Variants in NLGN4Y observed in about 807,000 individuals in gnomAD.
NLGN4Y encodes neuroligin 4 Y-linked.
In NLGN4Y, 4 loss-of-function variants were observed where a neutral mutation model predicts 8.4. The ratio of observed to expected loss-of-function variants is 0.48; its 90% CI spans 0.23 to 1.09. NLGN4Y has a LOEUF of 1.09. NLGN4Y is among the 50% of genes least tolerant of loss of function. The pLI, the probability that NLGN4Y is intolerant of heterozygous loss-of-function variation, is 0.19. For missense variants in NLGN4Y, 90 were observed against 192.3 expected, an observed-to-expected ratio of 0.47 and a Z score of 3.15; for synonymous variants, 35 against 75.6, an observed-to-expected ratio of 0.46 and a Z score of 2.78.
intron 4 of NLGN4Y, among the ~76,000 whole-genome samples, chrY:14,779,653 T>C: frequency 3.0e-5 from 1 of 33,343 alleles, no homozygotes; most frequent in African/African-American, 1.2e-4. Flanking sequence ...AAATTTATCC[T>C]ATATTGGTGA....
In NLGN4Y at chrY:14,843,912, T is replaced by C. The variant is rs2043237624; in HGVS notation, c.*2650T>C. The C allele has an allele frequency of 8.4e-6, 1 of 119,517 alleles. No homozygotes were observed. The highest frequency in any genetic ancestry group is 9.6e-5 in the African/African-American group (1 of 10,366). The allele number at this position is 119,517 out of a possible 400,897, so 29.8% of individuals were successfully genotyped here. ...ATGGCCAGACACATATGTATAAACTTTTCAGCAGCATTTTAATAATAAAAT... is the reference window on the plus strand; with the variant it reads ...ATGGCCAGACACATATGTATAAACTCTTCAGCAGCATTTTAATAATAAAAT... On this transcript the variant is annotated 3_prime_UTR_variant, in exon 7 of 7. Transcript: ENST00000684976.
chrY:14,815,557 G>A (rs2043098662), intron 4 of NLGN4Y, among the ~76,000 whole-genome samples: 1 of 33,407 alleles, frequency 3.0e-5, no homozygotes, highest in African/African-American at 1.2e-4. Context: ...TTACACTGAT[G>A]GCATTGTAGG....
At chrY:14,631,106 G>A (rs753227193) in intron 2 of NLGN4Y, among the ~76,000 whole-genome samples, 1 of 32,221 alleles carries the variant, frequency 3.1e-5, no homozygotes, top group Non-Finnish European at 7.6e-5. Context: ...TGCTCTTATT[G>A]CCCAGGTTGG....
chrY:14,532,662 A>C, intron 1 of NLGN4Y, among the ~76,000 whole-genome samples: 1 of 33,157 alleles, frequency 3.0e-5, no homozygotes, highest in Admixed American at 2.7e-4. Context: ...AATCCTGCCT[A>C]TGTGTGGATG....
At chrY:14,550,842 T>C (rs1031299945) in intron 1 of NLGN4Y, among the ~76,000 whole-genome samples, 12 of 33,466 alleles carry the variant, frequency 3.6e-4, no homozygotes, top group Non-Finnish European at 8.9e-4. Flanking sequence ...TGAATGACTA[T>C]TATGTATCTT....
intron 1 of NLGN4Y, among the ~76,000 whole-genome samples, chrY:14,577,514 A>AAAAGTGACTTACATTC (rs2080302966): frequency 2.9e-5 from 1 of 34,439 alleles, no homozygotes; most frequent in Non-Finnish European, 7.3e-5. Flanking sequence ...ACAAATAAGC[A>AAAAGTGACTTACATTC]AAAGTGACTT....
intron 1 of NLGN4Y, among the ~76,000 whole-genome samples, chrY:14,601,787 G>T: frequency 3.1e-5 from 1 of 32,729 alleles, no homozygotes; most frequent in Non-Finnish European, 7.5e-5. Flanking sequence ...AATTAGCTCG[G>T]CAGTGCCTGT....
At chrY:14,661,989 C>T (rs2150524481) in intron 2 of NLGN4Y, among the ~76,000 whole-genome samples, 1 of 33,900 alleles carries the variant, frequency 2.9e-5, no homozygotes, top group Non-Finnish European at 7.4e-5. Context: ...CATTCACTTG[C>T]GCTCAAATCT....
chrY:14,844,814 T>G lies in NLGN4Y; in HGVS notation c.*3552T>G, dbSNP rs755989205. ...TATGTACATGTATGTGTACATTATA[T>G]ATGAGTATACATGTACCTATCCTAT... is the stretch of plus-strand genomic sequence containing the variant. On this transcript the variant is annotated 3_prime_UTR_variant, in exon 7 of 7. Transcript: ENST00000684976. 1 of 34,078 alleles carries G rather than the reference T, an allele frequency of 2.9e-5. No homozygotes were observed. The highest frequency in any genetic ancestry group is 6.5e-4 in the South Asian group (1 of 1,537). 8.5% of individuals were successfully genotyped at this position (34,078 alleles called of 400,897 possible). A position where few individuals can be genotyped will look rare whatever the true frequency, so the allele number is the denominator to read the frequency against.
intron 2 of NLGN4Y, among the ~76,000 whole-genome samples, chrY:14,707,091 GTATATA>G (rs1460684278): frequency 5.1e-3 from 20 of 3,889 alleles, no homozygotes; most frequent in Admixed American, 6.6e-3. Flanking sequence ...AATTTTATGT[GTATATA>G]TATATATATA....
chrY:14,524,947 G>A, intron 1 of NLGN4Y: 1 of 120,720 alleles, frequency 8.3e-6, no homozygotes, highest in Non-Finnish European at 1.8e-5. Context: ...GTAGGTTGGG[G>A]TCCCTCGGCG....
intron 4 of NLGN4Y, chrY:14,748,663 C>A: frequency 5.5e-6 from 1 of 182,996 alleles, no homozygotes; most frequent in Non-Finnish European, 1.0e-5. Context: ...TCGTTGTCAG[C>A]TGCACCTGCA....
chrY:14,759,305 G>GT (rs2081073247), intron 4 of NLGN4Y, among the ~76,000 whole-genome samples: 18 of 31,441 alleles, frequency 5.7e-4, no homozygotes, highest in South Asian at 2.2e-3. Context: ...GTTTTGTTTT[G>GT]TTTTTTTGTT....
chrY:14,558,325 CTG>C (rs2080216483), intron 1 of NLGN4Y, among the ~76,000 whole-genome samples: 8 of 33,580 alleles, frequency 2.4e-4, no homozygotes, highest in Middle Eastern at 0.014. Context: ...GTCTTGAAGA[CTG>C]TGACTTTCAT....
chrY:14,669,691 C>T (rs982680990), intron 2 of NLGN4Y, among the ~76,000 whole-genome samples: 1 of 33,489 alleles, frequency 3.0e-5, no homozygotes, highest in East Asian at 7.9e-4. Flanking sequence ...GTTTATGCTA[C>T]GTAACACCAT....
chrY:14,803,983 T>G, intron 4 of NLGN4Y: 1 of 33,258 alleles, frequency 3.0e-5, no homozygotes, highest in African/African-American at 1.2e-4. Context: ...GTTGAATTTT[T>G]TCCATCCTGA....
chrY:14,835,169 A>C (rs546899792), intron 6 of NLGN4Y, among the ~76,000 whole-genome samples: 1 of 33,439 alleles, frequency 3.0e-5, no homozygotes, highest in Admixed American at 2.7e-4. Flanking sequence ...TCTGATTCTT[A>C]CTATGAGTTT....
rs369864038 is a variant in NLGN4Y at position 14,624,166 on chromosome Y, C to A, written c.472+1575C>A. 8.9e-5 allele frequency among the ~76,000 whole-genome samples: 3 copies of A among 33,876 alleles called. No homozygotes were observed. In the East Asian group the frequency reaches 2.4e-3, roughly 27 times the overall value. 90.9% of individuals were successfully genotyped at this position (33,876 alleles called of 37,273 possible). On this transcript the variant is annotated intron_variant, in intron 2 of 6. Coordinates refer to ENST00000684976, the MANE Select transcript of NLGN4Y (RefSeq NM_001365588.1). ...TGGAATACAAAAATTCAGAGAAAAA[C>A]CCCAAACAGGACAAAGTATTACAAT... is the stretch of plus-strand genomic sequence containing the variant.
chrY:14,618,582 T>C (rs2080498340), intron 1 of NLGN4Y, among the ~76,000 whole-genome samples: 1 of 33,672 alleles, frequency 3.0e-5, no homozygotes, highest in Non-Finnish European at 7.4e-5. Flanking sequence ...CATACACACA[T>C]ACATGGCAGC....
Sources: gnomAD v4.1 joint callset for allele counts (sites outside exome capture counted in the v4.1 genomes callset) on GRCh38, gnomAD v4.1.1 for gene constraint, MANE v1.5 for transcripts, NCBI Gene and HGNC (gene_info 2026-07-23, HGNC 2026-07-21) for gene names.